CMSS1: variants seen among roughly 807,000 people sequenced by gnomAD.
CMSS1 encodes the protein cms1 ribosomal small subunit homolog.
CMSS1 carries 33 observed loss-of-function variants against 43.5 expected under a neutral mutation model. The ratio of observed to expected loss-of-function variants is 0.76; its 90% CI spans 0.57 to 1.01. The LOEUF (loss-of-function observed/expected upper bound fraction) is 1.01. CMSS1 is among the 50% of genes least tolerant of loss of function. The probability of loss-of-function intolerance (pLI) is 0.00; values close to 1 mark genes in which losing one functional copy is unlikely to be tolerated. For synonymous variants in CMSS1, 115 were observed against 117.2 expected, an observed-to-expected ratio of 0.98 and a Z score of 0.12; for missense variants, 313 against 326.4, an observed-to-expected ratio of 0.96 and a Z score of 0.32.
intron 1 of CMSS1, among the ~76,000 whole-genome samples, chr3:99,885,140 A>G (rs1464900677): frequency 6.6e-6 from 1 of 152,246 alleles, no homozygotes; most frequent in Non-Finnish European, 1.5e-5. Context: ...TTTGAACATA[A>G]TCAATTCTAA....
rs554589282 is a variant in CMSS1 at position 100,122,485 on chromosome 3, G to T, written c.65-24488G>T. On this transcript the variant is annotated intron_variant, in intron 1 of 9. Transcript: ENST00000421999. ...CGGAGCCACATGGCAAAGTGACAAGGGTATTCCTCCTTAGGCCAGCTTCAC... is the reference window on the plus strand; with the variant it reads ...CGGAGCCACATGGCAAAGTGACAAGTGTATTCCTCCTTAGGCCAGCTTCAC... Among the ~76,000 whole-genome samples, 53 of 152,262 alleles carry T rather than the reference G, an allele frequency of 3.5e-4. No homozygotes were observed. In the Middle Eastern group the frequency reaches 0.014, roughly 39 times the overall value.
At chr3:100,017,227 A>G (rs1049444594) in intron 1 of CMSS1, among the ~76,000 whole-genome samples, 9 of 152,234 alleles carry the variant, frequency 5.9e-5, no homozygotes, top group African/African-American at 1.9e-4. Flanking sequence ...CGAGTGCTGG[A>G]GAAAAGTCCC....
intron 1 of CMSS1, among the ~76,000 whole-genome samples, chr3:100,098,286 A>G (rs2066245660): frequency 6.6e-6 from 1 of 152,254 alleles, no homozygotes; most frequent in Non-Finnish European, 1.5e-5. Context: ...AGAAGTAAAG[A>G]AACAAGCACT....
At chr3:99,968,597 A>G (rs1344976623) in intron 1 of CMSS1, among the ~76,000 whole-genome samples, 1 of 152,206 alleles carries the variant, frequency 6.6e-6, no homozygotes, top group Non-Finnish European at 1.5e-5. Flanking sequence ...GAAATTGCAC[A>G]AGGAGAATAT....
intron 1 of CMSS1, among the ~76,000 whole-genome samples, chr3:99,971,110 G>A (rs1156295310): frequency 2.0e-5 from 3 of 152,184 alleles, no homozygotes; most frequent in Non-Finnish European, 4.4e-5. Context: ...GGCCAAGGCG[G>A]GCGGATCACT....
chr3:99,820,204 T>C (rs1942408379), intron 1 of CMSS1, among the ~76,000 whole-genome samples: 2 of 152,030 alleles, frequency 1.3e-5, no homozygotes, highest in African/African-American at 4.8e-5. Flanking sequence ...CTAACCCTTT[T>C]TTTTTTTTTG....
chr3:100,139,563 G>A (rs900664553), intron 1 of CMSS1, among the ~76,000 whole-genome samples: 132 of 133,394 alleles, frequency 9.9e-4, no homozygotes, highest in Non-Finnish European at 1.5e-3. Flanking sequence ...GTGTGTGTGT[G>A]TGTATGTATA....
intron 1 of CMSS1, among the ~76,000 whole-genome samples, chr3:99,949,453 A>T (rs1279104594): frequency 6.6e-6 from 1 of 152,228 alleles, no homozygotes; most frequent in Non-Finnish European, 1.5e-5. Context: ...TGAGGAAGTC[A>T]GGAATGCATA....
intron 1 of CMSS1, among the ~76,000 whole-genome samples, chr3:100,018,180 G>A (rs969854900): frequency 3.9e-5 from 6 of 152,078 alleles, no homozygotes; most frequent in Admixed American, 1.3e-4. Context: ...ACAAAAATTA[G>A]CCGGGCGTGG....
chr3:100,140,879 C>T (rs1447473358), intron 1 of CMSS1, among the ~76,000 whole-genome samples: 1 of 151,896 alleles, frequency 6.6e-6, no homozygotes, highest in Admixed American at 6.6e-5. Flanking sequence ...CTGCCCCAAC[C>T]ACAGCAATTC....
At chr3:99,998,129 A>G (rs1186996383) in intron 1 of CMSS1, among the ~76,000 whole-genome samples, 2 of 152,246 alleles carry the variant, frequency 1.3e-5, no homozygotes, top group Non-Finnish European at 2.9e-5. Context: ...TGTACTACTG[A>G]AAGAGTTTCT....
At chr3:100,101,722 A>G (rs2066308875) in intron 1 of CMSS1, among the ~76,000 whole-genome samples, 1 of 151,974 alleles carries the variant, frequency 6.6e-6, no homozygotes, top group East Asian at 1.9e-4. Context: ...TGCACCCATT[A>G]ACTCATCATT....
chr3:99,877,664 A>T lies in CMSS1; in HGVS notation c.64+59621A>T, dbSNP rs1373180346. On this transcript the variant is annotated intron_variant, in intron 1 of 9. Coordinates refer to ENST00000421999, the MANE Select transcript of CMSS1 (RefSeq NM_032359.4). ...TTGAGTTTGTAGTTTTGTTGGTTTT[A>T]ACTCTTCTGCCCTATACTTGTGAAT... Among the ~76,000 whole-genome samples the T allele has an allele frequency of 2.6e-5, 4 of 152,194 alleles. No individual in the cohort carries two copies. The East Asian group carries it at 7.7e-4, about 29-fold the overall frequency.
At chr3:99,908,365 G>A (rs946124969) in intron 1 of CMSS1, among the ~76,000 whole-genome samples, 2 of 152,178 alleles carry the variant, frequency 1.3e-5, no homozygotes, top group African/African-American at 4.8e-5. Flanking sequence ...TGTTCTCTTG[G>A]CATCTTAAAA....
intron 1 of CMSS1, among the ~76,000 whole-genome samples, chr3:99,882,911 A>G (rs1705775269): frequency 6.6e-6 from 1 of 152,234 alleles, no homozygotes; most frequent in Non-Finnish European, 1.5e-5. Context: ...TCAGGCCACT[A>G]AGATTGGCCA....
chr3:99,887,980 G>A (rs1705963891), intron 1 of CMSS1, among the ~76,000 whole-genome samples: 1 of 152,050 alleles, frequency 6.6e-6, no homozygotes, highest in Admixed American at 6.6e-5. Flanking sequence ...GAAGGTTCAA[G>A]CAATCCATCC....
At chr3:100,011,077 G>A (rs576060670) in intron 1 of CMSS1, among the ~76,000 whole-genome samples, 1 of 152,260 alleles carries the variant, frequency 6.6e-6, no homozygotes, top group South Asian at 2.1e-4. Context: ...CTTGTGGTCT[G>A]TGATAATAGA....
chr3:100,015,789 A>C (rs1258914867), intron 1 of CMSS1, among the ~76,000 whole-genome samples: 1 of 152,216 alleles, frequency 6.6e-6, no homozygotes, highest in Non-Finnish European at 1.5e-5. Flanking sequence ...CACTCACTGA[A>C]TATCTGATAA....
chr3:99,954,931 C>T (rs967558684), intron 1 of CMSS1, among the ~76,000 whole-genome samples: 3 of 152,180 alleles, frequency 2.0e-5, no homozygotes, highest in African/African-American at 7.2e-5. Flanking sequence ...AATAAGCCCA[C>T]AATAAATGTT....
Sources: gnomAD v4.1 joint callset for allele counts (sites outside exome capture counted in the v4.1 genomes callset) on GRCh38, gnomAD v4.1.1 for gene constraint, MANE v1.5 for transcripts, NCBI Gene and HGNC (gene_info 2026-07-23, HGNC 2026-07-21) for gene names.